The following SPTLC3 variants were observed in gnomAD, a reference collection of about 807,000 sequenced individuals.
The protein encoded by SPTLC3 is serine palmitoyltransferase 3.
A neutral mutation model predicts 59.3 loss-of-function variants in SPTLC3; 36 were observed. That is an observed-to-expected ratio of 0.61 (90% CI 0.47 to 0.80). The LOEUF (loss-of-function observed/expected upper bound fraction) is 0.80. Among genes scored for constraint, SPTLC3 ranks in the 30% least tolerant of loss-of-function variants. The probability of loss-of-function intolerance (pLI) is 0.00; values close to 1 mark genes in which losing one functional copy is unlikely to be tolerated. For synonymous variants in SPTLC3, 257 were observed against 240.8 expected, an observed-to-expected ratio of 1.07 and a Z score of -0.62; for missense variants, 625 against 685.1, an observed-to-expected ratio of 0.91 and a Z score of 0.98.
intron 4 of SPTLC3, among the ~76,000 whole-genome samples, chr20:13,090,477 T>G (rs990977590): frequency 6.6e-6 from 1 of 152,190 alleles, no homozygotes; most frequent in Non-Finnish European, 1.5e-5. Context: ...GGGGTTATAA[T>G]TTAATTAATT....
chr20:13,087,267 C>T (rs1003862792), intron 4 of SPTLC3, among the ~76,000 whole-genome samples: 1 of 152,148 alleles, frequency 6.6e-6, no homozygotes, highest in Admixed American at 6.5e-5. Flanking sequence ...TAGATACGCT[C>T]CTGAGATAGC....
chr20:13,119,689 A>G (rs1306557292), intron 8 of SPTLC3, among the ~76,000 whole-genome samples: 1 of 152,138 alleles, frequency 6.6e-6, no homozygotes, highest in Non-Finnish European at 1.5e-5. Context: ...GCAGTGTCTA[A>G]ATTTACCACT....
chr20:13,108,956 A>G (rs1263097765), intron 6 of SPTLC3, among the ~76,000 whole-genome samples: 1 of 152,200 alleles, frequency 6.6e-6, no homozygotes, highest in East Asian at 1.9e-4. Flanking sequence ...TTTCAGTTTC[A>G]TCTTCTCAAA....
chr20:13,149,153 G>T (rs2038585583), intron 9 of SPTLC3, among the ~76,000 whole-genome samples: 1 of 152,154 alleles, frequency 6.6e-6, no homozygotes, highest in Non-Finnish European at 1.5e-5. Flanking sequence ...CTACATAAGA[G>T]ATTATTTCAT....
intron 2 of SPTLC3, among the ~76,000 whole-genome samples, chr20:13,069,271 G>C (rs1410330176): frequency 6.6e-6 from 1 of 152,110 alleles, no homozygotes. Flanking sequence ...TGAGGTCCGA[G>C]GCTGACCAGA....
At chr20:13,044,912 C>T (rs1835661) in intron 1 of SPTLC3, among the ~76,000 whole-genome samples, 41,107 of 151,850 alleles carry the variant, frequency 0.27, 5,623 homozygotes, top group Middle Eastern at 0.36. Context: ...CACTCCTGAT[C>T]ACCCAGTGTG....
intron 9 of SPTLC3, among the ~76,000 whole-genome samples, chr20:13,129,240 G>A (rs2038064908): frequency 6.6e-6 from 1 of 152,138 alleles, no homozygotes; most frequent in African/African-American, 2.4e-5. Context: ...GGCCTCAAGT[G>A]ATTTGCCCAC....
intron 1 of SPTLC3, among the ~76,000 whole-genome samples, chr20:13,021,419 G>T (rs1985874393): frequency 6.6e-6 from 1 of 151,876 alleles, no homozygotes; most frequent in Admixed American, 6.6e-5. Context: ...TGCTTTCAAG[G>T]CCAGACTCCC....
chr20:13,067,690 C>T (rs1034406627), intron 2 of SPTLC3, among the ~76,000 whole-genome samples: 1 of 152,134 alleles, frequency 6.6e-6, no homozygotes, highest in Admixed American at 6.5e-5. Context: ...ATTTAGCCAT[C>T]TTTAAGTTAG....
rs143918659 is a variant in SPTLC3, at chr20:13,067,044, CATATATATATATATATATATAT to C, written c.304-5175_304-5154del. 3.0e-4 allele frequency among the ~76,000 whole-genome samples: 21 copies of C among 71,128 alleles called. 2 individuals are homozygous for C. Among genetic ancestry groups the C allele is most frequent in the South Asian group, 6.2e-4 (1 of 1,610 alleles). 46.7% of individuals were successfully genotyped at this position (71,128 alleles called of 152,430 possible). On this transcript the variant is annotated intron_variant, in intron 2 of 11. Transcript: ENST00000399002. ...TGTTTATATAAAAATGTCACTTCTA[CATATATATATATATATATATAT>C]ATATATATATATATATATATATATA... is the stretch of plus-strand genomic sequence containing the variant.
At chr20:13,035,058 C>T (rs970957607) in intron 1 of SPTLC3, among the ~76,000 whole-genome samples, 1 of 152,144 alleles carries the variant, frequency 6.6e-6, no homozygotes, top group African/African-American at 2.4e-5. Flanking sequence ...CATGAAACCT[C>T]CCCTGCCTTT....
intron 8 of SPTLC3, among the ~76,000 whole-genome samples, chr20:13,118,747 G>A (rs1314866583): frequency 1.3e-5 from 2 of 152,188 alleles, no homozygotes; most frequent in African/African-American, 4.8e-5. Context: ...CTATTGTGAT[G>A]AACAGGAACA....
rs193014835 is a variant in SPTLC3, at chr20:13,152,963, C to T, written c.1280-1040C>T. Reference sequence around the variant, plus strand: ...TCAAAATATTGTATAACCTCTAGAGCAGAATCTCTGACCAGTTCGTCTGAA... The same window carrying T: ...TCAAAATATTGTATAACCTCTAGAGTAGAATCTCTGACCAGTTCGTCTGAA... On this transcript the variant is annotated intron_variant, in intron 9 of 11. Transcript: ENST00000399002. Among the ~76,000 whole-genome samples the T allele has an allele frequency of 2.8e-3, 422 of 152,288 alleles. 1 individual carries two copies. Among genetic ancestry groups the T allele is most frequent in the South Asian group, 5.0e-3 (24 of 4,824 alleles).
intron 6 of SPTLC3, among the ~76,000 whole-genome samples, chr20:13,107,069 A>G (rs1334094277): frequency 1.3e-5 from 2 of 152,224 alleles, no homozygotes; most frequent in Non-Finnish European, 2.9e-5. Flanking sequence ...TGTCTAAAAA[A>G]TGGTAAGAAA....
chr20:13,116,259 A>T (rs1990541837), intron 7 of SPTLC3, among the ~76,000 whole-genome samples: 1 of 152,174 alleles, frequency 6.6e-6, no homozygotes, highest in African/African-American at 2.4e-5. Context: ...TAATTAGGGG[A>T]AAAAGGAGAC....
intron 4 of SPTLC3, among the ~76,000 whole-genome samples, chr20:13,086,749 T>G (rs965197477): frequency 2.0e-5 from 3 of 152,120 alleles, no homozygotes; most frequent in African/African-American, 7.2e-5. Context: ...ACATTTCCTT[T>G]TTCTTCTCTC....
At chr20:13,126,569 G>A (rs200208290) in intron 8 of SPTLC3, 22 bp from the exon 9 acceptor site, 4 of 1,611,100 alleles carry the variant, frequency 2.5e-6, no homozygotes, top group Non-Finnish European at 3.4e-6. Flanking sequence ...CCTTCTTTTT[G>A]GGTTTCCCCT....
At chr20:13,049,928 C>T (rs898558015) in intron 2 of SPTLC3, 8 of 152,138 alleles carry the variant, frequency 5.3e-5, no homozygotes, top group African/African-American at 1.9e-4. Flanking sequence ...GGGAACACCC[C>T]GAGGGACAAA....
At chr20:13,104,707 T>C (rs1989779261) in intron 6 of SPTLC3, among the ~76,000 whole-genome samples, 2 of 152,176 alleles carry the variant, frequency 1.3e-5, no homozygotes, top group African/African-American at 4.8e-5. Context: ...TCATTTTAAG[T>C]CCGTGGTGTG....
Sources: gnomAD v4.1 joint callset for allele counts (sites outside exome capture counted in the v4.1 genomes callset) on GRCh38, gnomAD v4.1.1 for gene constraint, MANE v1.5 for transcripts, NCBI Gene and HGNC (gene_info 2026-07-23, HGNC 2026-07-21) for gene names.